The following NFIB variants were observed in gnomAD, a reference collection of about 807,000 sequenced individuals.
The protein encoded by NFIB is nuclear factor I B.
Under a neutral mutation model 61.5 loss-of-function variants are expected in NFIB, and 11 were observed. That is an observed-to-expected ratio of 0.18 (90% CI 0.11 to 0.30). The LOEUF is 0.30. Among genes scored for constraint, NFIB ranks in the 10% least tolerant of loss-of-function variants. The pLI, the probability that NFIB is intolerant of heterozygous loss-of-function variation, is 1.00. For missense variants in NFIB, 471 were observed against 608.9 expected (o/e 0.77, Z 2.38); for synonymous variants, 260 against 216.5 (o/e 1.20, Z -1.76).
At chr9:14,276,648 GTAA>G (rs1403302783) in intron 2 of NFIB, among the ~76,000 whole-genome samples, 1 of 151,982 alleles carries the variant, frequency 6.6e-6, no homozygotes, top group Admixed American at 6.6e-5. Context: ...CTTTAGATGA[GTAA>G]TAATAATATC....
chr9:14,503,457 TG>T, the NFIB span, among the ~76,000 whole-genome samples: 6 of 152,176 alleles, frequency 3.9e-5, no homozygotes, highest in Non-Finnish European at 8.8e-5. Context: ...ATCTGTTGTT[TG>T]TTTTTTTTAA....
chr9:14,504,510 G>A, the NFIB span, among the ~76,000 whole-genome samples: 1 of 152,158 alleles, frequency 6.6e-6, no homozygotes, highest in Non-Finnish European at 1.5e-5. Context: ...TCTTTCAGCA[G>A]TGTTTTGTAG....
chr9:14,211,718 C>G (rs940261910), intron 2 of NFIB, among the ~76,000 whole-genome samples: 1 of 152,222 alleles, frequency 6.6e-6, no homozygotes, highest in Non-Finnish European at 1.5e-5. Flanking sequence ...CTGAGCTGTG[C>G]TTCCCCAGCT....
chr9:14,082,326 A>G lies in NFIB; in HGVS notation c.*5983T>C, dbSNP rs1374289160. 2 of 205,364 alleles carry G rather than the reference A, an allele frequency of 9.7e-6. No individual in the cohort carries two copies. The highest frequency in any genetic ancestry group is 4.6e-5 in the African/African-American group (2 of 43,738). The allele number at this position is 205,364 out of a possible 1,614,324, so 12.7% of individuals were successfully genotyped here. ...TGTAGCTAGCAAGCAATAACTGACT[A>G]CTCGTCACCTACAGTTGTACTAAAT... On this transcript the variant is annotated 3_prime_UTR_variant, in exon 11 of 11. Coordinates refer to ENST00000380953, the MANE Select transcript of NFIB (RefSeq NM_001190737.2).
At position 14,141,902 on chromosome 9, in the gene NFIB, C is replaced by CAAAAAAAAAAAA. The variant is rs1207435536; in HGVS notation, c.925+4775_925+4786dup. ...TTGCAATAAATCTTGCTGCTGCTCA[C>CAAAAAAAAAAAA]AAAAAAAAAAAAAAAAAAAAAAAAC... On this transcript the variant is annotated intron_variant, in intron 6 of 10. Transcript: ENST00000380953. Among the ~76,000 whole-genome samples the CAAAAAAAAAAAA allele has an allele frequency of 3.7e-4, 20 of 53,570 alleles. 1 individual carries two copies. Among genetic ancestry groups the CAAAAAAAAAAAA allele is most frequent in the African/African-American group, 1.3e-3 (18 of 13,822 alleles). 35.1% of individuals were successfully genotyped at this position (53,570 alleles called of 152,430 possible).
the NFIB span, among the ~76,000 whole-genome samples, chr9:14,462,525 G>T: frequency 1.3e-5 from 2 of 152,040 alleles, no homozygotes; most frequent in Non-Finnish European, 2.9e-5. Flanking sequence ...CTCATGATCA[G>T]CCCGCCTCGG....
At chr9:14,449,640 T>C in the NFIB span, among the ~76,000 whole-genome samples, 4 of 152,032 alleles carry the variant, frequency 2.6e-5, no homozygotes, top group Non-Finnish European at 4.4e-5. Context: ...CAGACAAAAA[T>C]ATTTCTCGAC....
chr9:14,499,144 C>A, the NFIB span, among the ~76,000 whole-genome samples: 2 of 152,014 alleles, frequency 1.3e-5, no homozygotes, highest in Non-Finnish European at 2.9e-5. Context: ...GATTTCAGAA[C>A]CACCATTTAT....
At chr9:14,510,399 C>A in the NFIB span, among the ~76,000 whole-genome samples, 1 of 152,198 alleles carries the variant, frequency 6.6e-6, no homozygotes. Context: ...CTAGAATAGA[C>A]TCAATTTTCT....
chr9:14,286,770 T>C (rs1310910903), intron 2 of NFIB, among the ~76,000 whole-genome samples: 2 of 152,212 alleles, frequency 1.3e-5, no homozygotes, highest in Non-Finnish European at 2.9e-5. Context: ...GCTCAGTGAA[T>C]AGTTGTTGAA....
chr9:14,316,430 C>T (rs1409835759), upstream of NFIB, among the ~76,000 whole-genome samples: 4 of 152,160 alleles, frequency 2.6e-5, no homozygotes, highest in Non-Finnish European at 4.4e-5. Flanking sequence ...CGGACCCCTG[C>T]GAGTTAACCC....
At chr9:14,443,537 C>T in the NFIB span, among the ~76,000 whole-genome samples, 1 of 152,166 alleles carries the variant, frequency 6.6e-6, no homozygotes, top group Admixed American at 6.5e-5. Context: ...CGATGCCATC[C>T]TCAGTCCCTT....
the NFIB span, among the ~76,000 whole-genome samples, chr9:14,424,700 G>A: frequency 6.4e-4 from 97 of 152,290 alleles, 1 homozygote; most frequent in African/African-American, 2.2e-3. Context: ...TGACTCAGAG[G>A]CAGAGCTCCG....
At chr9:14,301,483 C>A (rs1027644047) in intron 2 of NFIB, among the ~76,000 whole-genome samples, 1 of 152,102 alleles carries the variant, frequency 6.6e-6, no homozygotes, top group East Asian at 1.9e-4. Flanking sequence ...ATTTTACCAA[C>A]CTTTGCTGCC....
At chr9:14,482,981 T>C in the NFIB span, among the ~76,000 whole-genome samples, 1 of 152,110 alleles carries the variant, frequency 6.6e-6, no homozygotes, top group Non-Finnish European at 1.5e-5. Context: ...AATCAATAAA[T>C]GAAAATTCGA....
the NFIB span, among the ~76,000 whole-genome samples, chr9:14,460,283 C>T: frequency 6.6e-6 from 1 of 151,598 alleles, no homozygotes; most frequent in Non-Finnish European, 1.5e-5. Flanking sequence ...AAACCAAACA[C>T]CACATGTTCT....
chr9:14,128,400 A>G (rs1229102391), intron 6 of NFIB, among the ~76,000 whole-genome samples: 1 of 152,186 alleles, frequency 6.6e-6, no homozygotes, highest in Non-Finnish European at 1.5e-5. Flanking sequence ...ATTATACCTC[A>G]TTTTAAAATA....
At chr9:14,121,475 G>A (rs1007693249) in intron 7 of NFIB, among the ~76,000 whole-genome samples, 5 of 152,170 alleles carry the variant, frequency 3.3e-5, no homozygotes, top group Non-Finnish European at 7.4e-5. Flanking sequence ...TGTTTAGAAG[G>A]AAAGACAATA....
the NFIB span, among the ~76,000 whole-genome samples, chr9:14,475,996 T>C: frequency 5.9e-5 from 9 of 152,208 alleles, no homozygotes; most frequent in Admixed American, 1.3e-4. Flanking sequence ...AATAAAAAAA[T>C]TGGACTTAAC....
Sources: allele counts gnomAD v4.1 joint callset (sites outside exome capture counted in the v4.1 genomes callset), GRCh38; gene constraint gnomAD v4.1.1; transcripts MANE v1.5; gene names NCBI Gene and HGNC (gene_info 2026-07-23, HGNC 2026-07-21).